Variants in GZMM observed in about 807,000 individuals in gnomAD.
The protein encoded by GZMM is HU-Met-1.
Under a neutral mutation model 19.2 loss-of-function variants are expected in GZMM, and 23 were observed. The ratio of observed to expected loss-of-function variants is 1.20; its 90% CI spans 0.86 to 1.69. The LOEUF is 1.69. Among genes scored for constraint, GZMM ranks in the 40% most tolerant of loss-of-function variants. The pLI is 0.00. For synonymous variants in GZMM, 178 were observed against 160.2 expected (o/e 1.11, Z -0.84); for missense variants, 373 against 352.2 (o/e 1.06, Z -0.47).
intron 2 of GZMM, among the ~76,000 whole-genome samples, chr19:548,024 C>G (rs570665424): frequency 1.3e-5 from 2 of 152,188 alleles, no homozygotes; most frequent in Non-Finnish European, 2.9e-5. Context: ...GCTTCAGGTG[C>G]GGCTTGATCC....
intron 1 of GZMM, among the ~76,000 whole-genome samples, chr19:546,060 G>C (rs980544816): frequency 1.2e-5 from 1 of 86,420 alleles, no homozygotes; most frequent in Non-Finnish European, 2.4e-5. Flanking sequence ...GATTATAGGC[G>C]TGAGCCACTG....
chr19:548,397 G>A, intron 2 of GZMM, 145 bp from the exon 3 acceptor site: 1 of 737,458 alleles, frequency 1.4e-6, no homozygotes, highest in Non-Finnish European at 2.2e-6. Flanking sequence ...AAGACACAGG[G>A]AAGGACTGGC....
chr19:544,548 G>A (rs1400495222), intron 1 of GZMM, among the ~76,000 whole-genome samples: 1 of 152,268 alleles, frequency 6.6e-6, no homozygotes, highest in East Asian at 1.9e-4. Context: ...TGAGGGAGAA[G>A]GGAGGTGGGT....
chr19:549,322 AGGGGTCCC>A, intron 4 of GZMM, 137 bp downstream of exon 4: 1 of 923,708 alleles, frequency 1.1e-6, no homozygotes, highest in Non-Finnish European at 1.6e-6. Flanking sequence ...AAGCACTGGC[AGGGGTCCC>A]GTTTCTCAGG....
rs1265563091 is a variant in GZMM at position 549,796 on chromosome 19, C to G, written c.*5C>G. 1 of 1,382,556 alleles carries G rather than the reference C, an allele frequency of 7.2e-7. No homozygotes were observed. The highest frequency in any genetic ancestry group is 1.1e-5 in the South Asian group (1 of 88,560). The allele number at this position is 1,382,556 out of a possible 1,614,324, so 85.6% of individuals were successfully genotyped here. A position where few individuals can be genotyped will look rare whatever the true frequency, so the allele number is the denominator to read the frequency against. On this transcript the variant is annotated 3_prime_UTR_variant, in exon 5 of 5. Coordinates refer to ENST00000264553, the MANE Select transcript of GZMM (RefSeq NM_005317.4). ...GTCACCGGCCGATCGGCCTGATGCC[C>G]TGGGGTGATGGGGACCCCCTCGCTG...
chr19:545,849 T>G (rs1201850542), intron 1 of GZMM, among the ~76,000 whole-genome samples: 1 of 149,804 alleles, frequency 6.7e-6, no homozygotes, highest in African/African-American at 2.5e-5. Context: ...TTCACCGTGT[T>G]AGCCAGGATG....
In GZMM at chr19:549,061, T is replaced by A; in HGVS notation, c.488T>A (p.Leu163Gln). ...THQGGRLSRVLRELDLQVLDT... is the reference protein window; with the variant it reads ...THQGGRLSRVQRELDLQVLDT... ...CAGGGCGGGCGCCTGTCCCGGGTGC[T>A]GCGGGAGCTGGACCTCCAAGTGCTG... The change falls in exon 4 of 5, where the codon CTG (leucine) becomes CAG (glutamine). Residue 163 changes from leucine (L) to glutamine (Q), a missense_variant. Transcript: ENST00000264553. 1 of 1,592,290 alleles carries A rather than the reference T, an allele frequency of 6.3e-7. No homozygotes were observed. The highest frequency in any genetic ancestry group is 8.5e-7 in the Non-Finnish European group (1 of 1,171,110).
Position 549,752 on chromosome 19 carries a change from C to G in GZMM, c.735C>G (p.Tyr245Ter), listed in dbSNP as rs141658632. ...KPPVATAVAP[Y>*]VSWIRKVTGR... ...CCGTGGCCACCGCTGTGGCGCCTTA[C>G]GTGTCCTGGATCAGGAAGGTCACCG... Residue 245 changes from tyrosine (Y) to a stop codon, truncating the protein, a stop_gained, in exon 5 of 5, where the codon TAC (tyrosine) becomes TAG (stop). Transcript: ENST00000264553. LOFTEE classifies it low-confidence loss of function (END_TRUNC). 7.4e-6 allele frequency: 12 copies of G among 1,613,276 alleles called. No individual in the cohort carries two copies. In the East Asian group the frequency reaches 8.9e-5, roughly 12 times the overall value.
intron 1 of GZMM, among the ~76,000 whole-genome samples, chr19:546,292 A>G (rs1040490879): frequency 1.3e-5 from 2 of 152,122 alleles, no homozygotes; most frequent in African/African-American, 4.8e-5. Context: ...TCATCCCAGC[A>G]CTTTGGGAGG....
chr19:545,389 C>T (rs548379146), intron 1 of GZMM, among the ~76,000 whole-genome samples: 127 of 152,322 alleles, frequency 8.3e-4, no homozygotes, highest in Non-Finnish European at 1.5e-3. Flanking sequence ...CTCTTGTCAC[C>T]CAGGCTGGAG....
rs766502816 is a variant in GZMM, at chr19:549,685, T to C, written c.668T>C (p.Leu223Pro). The part of the protein sequence containing the change: ...CGKGRVLARV[L>P]SFSSRVCTDI... ...AAAGGCCGGGTGTTGGCCAGAGTCCTGTCCTTCAGCTCCAGGGTCTGCACT... is the reference window on the plus strand; with the variant it reads ...AAAGGCCGGGTGTTGGCCAGAGTCCCGTCCTTCAGCTCCAGGGTCTGCACT... Residue 223 changes from leucine to proline, a missense_variant, in exon 5 of 5, where the codon CTG becomes CCG. Transcript: ENST00000264553. 29 of 1,613,694 alleles carry C rather than the reference T, an allele frequency of 1.8e-5. No individual in the cohort carries two copies. In the South Asian group the frequency reaches 2.9e-4, roughly 16 times the overall value.
At chr19:547,970 G>C (rs12460008) in intron 2 of GZMM, among the ~76,000 whole-genome samples, 7,542 of 152,224 alleles carry the variant, frequency 0.05, 342 homozygotes, top group South Asian at 0.17. Flanking sequence ...TAACAAAAAG[G>C]GATCTGCCGG....
rs370698507 is a variant in GZMM, at chr19:548,590, C to T, written c.261C>T (p.Pro87=). The change falls in exon 3 of 5, where the codon CCC becomes CCT. Residue 87 remains proline, a synonymous_variant. Transcript: ENST00000264553. ...LVLGLHTLDS[P]GLTFHIKAAI... The stretch of plus-strand genomic sequence containing the variant: ...TGGGGCTCCACACCCTGGACAGCCC[C>T]GGTCTCACCTTCCACATCAAGGCAG... The T allele has an allele frequency of 4.3e-5, 70 of 1,613,324 alleles. No homozygotes were observed. The highest frequency in any genetic ancestry group is 4.6e-5 in the Non-Finnish European group (54 of 1,179,652).
At chr19:549,480 T>A (rs1317456202) in intron 4 of GZMM, 150 bp from the exon 5 acceptor site, 12 of 799,830 alleles carry the variant, frequency 1.5e-5, no homozygotes, top group Non-Finnish European at 2.3e-5. Flanking sequence ...CAGCGGGAGA[T>A]GGGGAGGGGA....
chr19:545,099 A>ATCCCTCCTTCCCTCCACCCCTTTG, intron 1 of GZMM, among the ~76,000 whole-genome samples: 1 of 141,240 alleles, frequency 7.1e-6, no homozygotes, highest in African/African-American at 2.7e-5. Context: ...TCCTCCTTCC[A>ATCCCTCCTTCCCTCCACCCCTTTG]TCCCTCCTTC....
Position 546,540 on chromosome 19 carries a change from C to CAAAAA in GZMM, c.56-728_56-724dup, listed in dbSNP as rs35147201. On this transcript the variant is annotated intron_variant, in intron 1 of 4. Transcript: ENST00000264553. ...TGGGTAACAGAGTGAGACTCCATCT[C>CAAAAA]AAAAAAAAAAAAAAAATGGCCAGGT... Among the ~76,000 whole-genome samples the CAAAAA allele has an allele frequency of 7.5e-5, 8 of 106,780 alleles. 1 individual carries two copies. The highest frequency in any genetic ancestry group is 3.0e-4 in the Admixed American group (3 of 9,886). The allele number at this position is 106,780 out of a possible 152,430, so 70.1% of individuals were successfully genotyped here.
Position 549,004 on chromosome 19 carries a change from G to C in GZMM, c.431G>C (p.Arg144Pro). ...CGCCAGGTGGTGGCAGCAGGGACTC[G>C]GTGCAGCATGGCCGGCTGGGGGCTG... The part of the protein sequence containing the change: ...SKRQVVAAGT[R>P]CSMAGWGLTH... The change falls in exon 4 of 5, where the codon CGG (arginine) becomes CCG (proline). Residue 144 changes from arginine to proline, a missense_variant. Arg to Pro is a moderately radical substitution (Grantham distance 103). Transcript: ENST00000264553. 1 of 1,603,548 alleles carries C rather than the reference G, an allele frequency of 6.2e-7. No individual in the cohort carries two copies. Among genetic ancestry groups the C allele is most frequent in the Non-Finnish European group, 8.5e-7 (1 of 1,176,370 alleles).
intron 2 of GZMM, among the ~76,000 whole-genome samples, chr19:547,914 C>T (rs1980350219): frequency 6.6e-6 from 1 of 152,144 alleles, no homozygotes; most frequent in African/African-American, 2.4e-5. Context: ...GTTGCCCTAC[C>T]TCAGGACTGG....
rs191229879 is a variant in GZMM, at chr19:548,779, A to G, written c.348+102A>G. On this transcript the variant is annotated intron_variant, in intron 3 of 4. Transcript: ENST00000264553. ...CCCCCGCTGCCGACCCTCCCCCCGC[A>G]CTGCTGCCCCTCCCCCCGCACTACT... 8.3e-3 allele frequency: 2,868 copies of G among 347,452 alleles called. 46 individuals carry two copies. Among genetic ancestry groups the G allele is most frequent in the Non-Finnish European group, 0.011 (2,466 of 231,886 alleles). 21.5% of individuals were successfully genotyped at this position (347,452 alleles called of 1,614,324 possible).
Sources: gnomAD v4.1 joint callset for allele counts (sites outside exome capture counted in the v4.1 genomes callset) on GRCh38, gnomAD v4.1.1 for gene constraint, MANE v1.5 for transcripts, NCBI Gene and HGNC (gene_info 2026-07-23, HGNC 2026-07-21) for gene names.